The following MORN1 variants were observed in gnomAD, a reference collection of about 807,000 sequenced individuals.
MORN1 encodes the protein MORN repeat containing 1, also known as MORN repeat-containing protein 1.
In MORN1, 67 loss-of-function variants were observed where a neutral mutation model predicts 61.9. The ratio of observed to expected loss-of-function variants is 1.08; its 90% CI spans 0.89 to 1.33. MORN1 has a LOEUF of 1.33. MORN1 is among the 40% of genes most tolerant of loss of function. MORN1 has a pLI of 0.00. For synonymous variants in MORN1, 301 were observed against 292.0 expected (o/e 1.03, Z -0.31); for missense variants, 752 against 691.2 (o/e 1.09, Z -0.99).
intron 12 of MORN1, among the ~76,000 whole-genome samples, chr1:2,327,118 A>G (rs1046912413): frequency 6.6e-6 from 1 of 151,164 alleles, no homozygotes; most frequent in African/African-American, 2.4e-5. Context: ...ACACAGAAAC[A>G]CAGAAACAAA....
rs1474366286 is a variant in MORN1, at chr1:2,372,044, T to A, written c.745+437A>T. 5.0e-6 allele frequency: 1 copy of A among 200,656 alleles called. No homozygotes were observed. Among genetic ancestry groups the A allele is most frequent in the Admixed American group, 5.4e-5 (1 of 18,672 alleles). 12.4% of individuals were successfully genotyped at this position (200,656 alleles called of 1,614,324 possible). Reference sequence around the variant, plus strand: ...CACATGTCCACAGCAGCACTATTCATAACAGCCCAAGGTACAAACAACTGC... The same window carrying A: ...CACATGTCCACAGCAGCACTATTCAAAACAGCCCAAGGTACAAACAACTGC... On this transcript the variant is annotated intron_variant, in intron 8 of 13. Coordinates refer to ENST00000378531, the MANE Select transcript of MORN1 (RefSeq NM_024848.3). This position sits in a 1 kb window ranked among gnomAD's most constrained non-coding sequence, Gnocchi z 5.4.
At chr1:2,322,011 T>A (rs1205056157) in intron 13 of MORN1, 3 of 984,952 alleles carry the variant, frequency 3.0e-6, no homozygotes, top group African/African-American at 3.5e-5. Context: ...AAACTGTTTT[T>A]AAAAATAACG....
chr1:2,378,826 G>A (rs774748903), intron 6 of MORN1: 4 of 428,958 alleles, frequency 9.3e-6, no homozygotes, highest in Non-Finnish European at 1.4e-5. Flanking sequence ...TGTGGGGGAC[G>A]GAGATGGCTG....
Position 2,334,258 on chromosome 1 carries a change from C to T in MORN1, c.1250+2211G>A, listed in dbSNP as rs1359152372. Among the ~76,000 whole-genome samples the T allele has an allele frequency of 1.3e-5, 2 of 151,886 alleles. No homozygotes were observed. The highest frequency in any genetic ancestry group is 1.9e-4 in the East Asian group (1 of 5,186). Reference sequence around the variant, plus strand: ...GGTGGGGGGGCAGCAGGTGTAAGAACGGTAAGGGATCACGTGGCTACAAGG... The same window carrying T: ...GGTGGGGGGGCAGCAGGTGTAAGAATGGTAAGGGATCACGTGGCTACAAGG... On this transcript the variant is annotated intron_variant, in intron 12 of 13. Coordinates refer to ENST00000378531, the MANE Select transcript of MORN1 (RefSeq NM_024848.3). This position sits in a 1 kb window ranked among gnomAD's most constrained non-coding sequence, Gnocchi z 5.4.
rs1642141314 is a variant in MORN1 at position 2,372,359 on chromosome 1, C to T, written c.745+122G>A. The T allele has an allele frequency of 1.2e-5, 9 of 745,222 alleles. No individual in the cohort carries two copies. The highest frequency in any genetic ancestry group is 3.5e-5 in the African/African-American group (2 of 56,348). The allele number at this position is 745,222 out of a possible 1,614,324, so 46.2% of individuals were successfully genotyped here. A position where few individuals can be genotyped will look rare whatever the true frequency, so the allele number is the denominator to read the frequency against. On this transcript the variant is annotated intron_variant, in intron 8 of 13. Coordinates refer to ENST00000378531, the MANE Select transcript of MORN1 (RefSeq NM_024848.3). The surrounding 1 kb of genome is among the most constrained non-coding windows in gnomAD (Gnocchi z 5.4). ...CGACCTCTCTGCCAGGCTCTGGGCA[C>T]GAAGTCACTGCTGTGCCTCAGGAGC...
intron 12 of MORN1, among the ~76,000 whole-genome samples, chr1:2,335,134 C>T (rs551029656): frequency 6.6e-6 from 1 of 152,342 alleles, no homozygotes; most frequent in South Asian, 2.1e-4. Flanking sequence ...CGGCGCCTCC[C>T]CCATGCGTGA....
chr1:2,345,898 C>T (rs573228429), intron 10 of MORN1, among the ~76,000 whole-genome samples: 6 of 152,330 alleles, frequency 3.9e-5, no homozygotes, highest in African/African-American at 7.2e-5. Context: ...CGAGCTCACA[C>T]GCCCCAGGCC....
At chr1:2,349,931 C>T (rs932464566) in intron 10 of MORN1, among the ~76,000 whole-genome samples, 9 of 152,338 alleles carry the variant, frequency 5.9e-5, no homozygotes, top group Admixed American at 2.6e-4. Context: ...CGTCCTCTCA[C>T]GGCTGCGGCC....
chr1:2,391,395 C>A (rs1642659505), intron 1 of MORN1, 63 bp downstream of exon 1: 1 of 1,248,250 alleles, frequency 8.0e-7, no homozygotes, highest in Non-Finnish European at 1.0e-6. Flanking sequence ...GGGCGTAGAG[C>A]GATCGCACCC....
chr1:2,381,407 G>A (rs1176281246), intron 6 of MORN1, among the ~76,000 whole-genome samples: 1 of 152,204 alleles, frequency 6.6e-6, no homozygotes, highest in Non-Finnish European at 1.5e-5. Flanking sequence ...ACGAGGCCAG[G>A]GGACTGCTGC....
At chr1:2,345,480 C>A (rs544096248) in intron 10 of MORN1, among the ~76,000 whole-genome samples, 40 of 152,342 alleles carry the variant, frequency 2.6e-4, no homozygotes, top group African/African-American at 9.4e-4. Flanking sequence ...ACAACAAGGG[C>A]CAGGCTCTGC....
At chr1:2,322,436 G>A (rs781254863) in intron 13 of MORN1, 14 of 985,272 alleles carry the variant, frequency 1.4e-5, no homozygotes, top group African/African-American at 1.7e-5. Context: ...CGCTCCCCTC[G>A]CAGAGCGGCG....
At chr1:2,379,541 G>A (rs975323935) in intron 6 of MORN1, among the ~76,000 whole-genome samples, 5 of 152,186 alleles carry the variant, frequency 3.3e-5, no homozygotes, top group African/African-American at 1.2e-4. Context: ...CAAACATGGT[G>A]AGGGGCAGGT....
rs1023700652 is a variant in MORN1 at position 2,334,862 on chromosome 1, C to T, written c.1250+1607G>A. 3.3e-5 allele frequency among the ~76,000 whole-genome samples: 5 copies of T among 152,236 alleles called. No individual in the cohort carries two copies. The highest frequency in any genetic ancestry group is 7.3e-5 in the Non-Finnish European group (5 of 68,042). On this transcript the variant is annotated intron_variant, in intron 12 of 13. Transcript: ENST00000378531. The surrounding 1 kb of genome is among the most constrained non-coding windows in gnomAD (Gnocchi z 5.4). ...CTGCTGAAATAAGACGTTCCAACAT[C>T]ACCCTCAGCGCGGAGGTTGCCACGG...
intron 13 of MORN1, chr1:2,321,995 C>T (rs1261571039): frequency 2.0e-6 from 2 of 980,512 alleles, no homozygotes; most frequent in East Asian, 1.1e-4. Flanking sequence ...AATTCATTCC[C>T]TCCATAAACT....
Position 2,385,031 on chromosome 1 carries a change from C to T in MORN1, c.484G>A (p.Asp162Asn). 1.2e-6 allele frequency: 2 copies of T among 1,600,050 alleles called. No homozygotes were observed. The highest frequency in any genetic ancestry group is 2.3e-4 in the Middle Eastern group (1 of 4,430). Reference protein sequence around the residue: ...GDKYDGDWVRDRRQGHGVLRC... With the variant: ...GDKYDGDWVRNRRQGHGVLRC... ...AGCACCCCGTGTCCCTGACGCCGGT[C>T]CCGGACCCAGTCGCCGTCGTACTTG... Residue 162 changes from aspartate (D) to asparagine (N), a missense_variant, in exon 6 of 14, where the codon GAC (aspartate) becomes AAC (asparagine). Coordinates refer to ENST00000378531, the MANE Select transcript of MORN1 (RefSeq NM_024848.3).
chr1:2,334,789 C>T lies in MORN1; in HGVS notation c.1250+1680G>A, dbSNP rs376425849. ...CTGGGAGGCCCAGGCTGGGAGCAGACGCCGACCCCTCCGTTCTCTCAGGTG... is the reference window on the plus strand; with the variant it reads ...CTGGGAGGCCCAGGCTGGGAGCAGATGCCGACCCCTCCGTTCTCTCAGGTG... On this transcript the variant is annotated intron_variant, in intron 12 of 13. Transcript: ENST00000378531. The surrounding 1 kb of genome is among the most constrained non-coding windows in gnomAD (Gnocchi z 5.4). Among the ~76,000 whole-genome samples the T allele has an allele frequency of 1.4e-4, 22 of 152,346 alleles. No homozygotes were observed. In the East Asian group the frequency reaches 1.5e-3, roughly 11 times the overall value.
chr1:2,372,288 C>A lies in MORN1; in HGVS notation c.745+193G>T. ...CACAATATGTGCACACATGCTTGCA[C>A]ACACACCCAAGGCTGCCCTGACTGG... On this transcript the variant is annotated intron_variant, in intron 8 of 13. Coordinates refer to ENST00000378531, the MANE Select transcript of MORN1 (RefSeq NM_024848.3). This position sits in a 1 kb window ranked among gnomAD's most constrained non-coding sequence, Gnocchi z 5.4. The A allele has an allele frequency of 3.5e-6, 2 of 573,982 alleles. No homozygotes were observed. Among genetic ancestry groups the A allele is most frequent in the Non-Finnish European group, 3.1e-6 (1 of 319,240 alleles). 35.6% of individuals were successfully genotyped at this position (573,982 alleles called of 1,614,324 possible). A position where few individuals can be genotyped will look rare whatever the true frequency, so the allele number is the denominator to read the frequency against.
At chr1:2,324,961 G>A (rs1640970633) in intron 12 of MORN1, among the ~76,000 whole-genome samples, 1 of 106,854 alleles carries the variant, frequency 9.4e-6, no homozygotes, top group Admixed American at 8.4e-5. Context: ...GGCAGTCCCT[G>A]CACGTGAGGA....
Sources: gnomAD v4.1 joint callset for allele counts (sites outside exome capture counted in the v4.1 genomes callset) on GRCh38, gnomAD v4.1.1 for gene constraint, Gnocchi (gnomAD v3.1) non-coding constraint, MANE v1.5 for transcripts, NCBI Gene and HGNC (gene_info 2026-07-23, HGNC 2026-07-21) for gene names.